Variants in GSE1 observed in about 807,000 individuals in gnomAD.
The protein encoded by GSE1 is genetic suppressor element 1.
Under a neutral mutation model 112.6 loss-of-function variants are expected in GSE1, and 32 were observed. That is an observed-to-expected ratio of 0.28 (90% CI 0.21 to 0.38). GSE1 has a LOEUF of 0.38. Ranked by LOEUF, GSE1 falls within the 10% of genes least tolerant of loss-of-function variation. The pLI is 1.00. For missense variants in GSE1, 2,348 were observed against 1,699.2 expected, an observed-to-expected ratio of 1.38 and a Z score of -6.71; for synonymous variants, 1,115 against 735.6, an observed-to-expected ratio of 1.52 and a Z score of -8.35.
chr16:85,641,607 C>T (rs552717306), intron 2 of GSE1, among the ~76,000 whole-genome samples: 5 of 152,268 alleles, frequency 3.3e-5, no homozygotes, highest in Non-Finnish European at 7.3e-5. Flanking sequence ...CCTGCTGTCC[C>T]GTGTACCAGG....
At chr16:85,176,755 G>A (rs1391759015) in intron 1 of GSE1, among the ~76,000 whole-genome samples, 2 of 152,226 alleles carry the variant, frequency 1.3e-5, no homozygotes, top group African/African-American at 2.4e-5. Context: ...TGTTGCTGCC[G>A]CAACCACCTT....
At position 85,623,563 on chromosome 16, in the gene GSE1, C is replaced by G. The variant is rs549573524; in HGVS notation, c.7+10165C>G. Among the ~76,000 whole-genome samples, 4 of 152,290 alleles carry G rather than the reference C, an allele frequency of 2.6e-5. No individual in the cohort carries two copies. In the East Asian group the frequency reaches 5.8e-4, roughly 22 times the overall value. ...TTTTGCTCTGCCCCCATAGTGTGTT[C>G]CCTCGAGGCCCCACAGCTCTCAGCC... On this transcript the variant is annotated intron_variant, in intron 1 of 15. Coordinates refer to ENST00000253458, the MANE Select transcript of GSE1 (RefSeq NM_014615.5).
exon 1 of GSE1, chr16:85,171,045 C>G: frequency 2.0e-6 from 2 of 985,794 alleles, no homozygotes; most frequent in Non-Finnish European, 1.2e-6. Context: ...CCAGGAGCGC[C>G]ATGCATTTCC....
intron 2 of GSE1, among the ~76,000 whole-genome samples, chr16:85,507,096 G>A (rs970133161): frequency 6.6e-6 from 1 of 152,158 alleles, no homozygotes; most frequent in East Asian, 1.9e-4. Context: ...TTTGGTTGGC[G>A]TGGCTGTGTG....
chr16:85,343,439 A>G (rs544565699), intron 1 of GSE1, among the ~76,000 whole-genome samples: 25 of 152,248 alleles, frequency 1.6e-4, no homozygotes, highest in African/African-American at 6.0e-4. Context: ...CTGCAAACAA[A>G]TCTGCAGGTA....
intron 2 of GSE1, among the ~76,000 whole-genome samples, chr16:85,506,645 G>T (rs2051543659): frequency 6.6e-6 from 1 of 152,060 alleles, no homozygotes; most frequent in Non-Finnish European, 1.5e-5. Context: ...TATGTAGAGG[G>T]GGTGTGATTT....
At chr16:85,203,171 T>A (rs1332998168) in intron 1 of GSE1, among the ~76,000 whole-genome samples, 1 of 151,074 alleles carries the variant, frequency 6.6e-6, no homozygotes, top group Non-Finnish European at 1.5e-5. Flanking sequence ...CTGGGGCTGC[T>A]CTCCTAGGCA....
chr16:85,560,674 G>A (rs1356305108), intron 1 of GSE1, among the ~76,000 whole-genome samples: 2 of 152,010 alleles, frequency 1.3e-5, no homozygotes, highest in African/African-American at 4.8e-5. Flanking sequence ...ATTCAAACGG[G>A]GGTCCCTTCT....
rs1013077002 is a variant in GSE1 at position 85,674,016 on chromosome 16, G to A, written c.*1477G>A. 2.0e-5 allele frequency: 3 copies of A among 152,112 alleles called. No individual in the cohort carries two copies. The highest frequency in any genetic ancestry group is 2.9e-5 in the Non-Finnish European group (2 of 68,074). 9.4% of individuals were successfully genotyped at this position (152,112 alleles called of 1,614,324 possible). ...GCTCATCACACCAAGGCAAAGCAAC[G>A]GGCGAGTCTTCCTCCTTGTCCTAGT... On this transcript the variant is annotated 3_prime_UTR_variant, in exon 16 of 16. Transcript: ENST00000253458.
At chr16:85,293,523 G>C (rs939337340) in intron 1 of GSE1, among the ~76,000 whole-genome samples, 1 of 152,088 alleles carries the variant, frequency 6.6e-6, no homozygotes, top group African/African-American at 2.4e-5. Context: ...TCCAGCCCAG[G>C]GGATAGAGTG....
chr16:85,387,798 C>T (rs1343843925), intron 2 of GSE1, among the ~76,000 whole-genome samples: 3 of 152,306 alleles, frequency 2.0e-5, no homozygotes, highest in Admixed American at 2.0e-4. Flanking sequence ...TCAGTAAGTA[C>T]TTATTGGTTA....
intron 1 of GSE1, among the ~76,000 whole-genome samples, chr16:85,173,388 A>G (rs946106301): frequency 6.6e-6 from 1 of 152,240 alleles, no homozygotes; most frequent in Non-Finnish European, 1.5e-5. Flanking sequence ...AAGTGGAAAC[A>G]TACCACTTGC....
At chr16:85,347,929 G>A (rs2046776172) in intron 1 of GSE1, among the ~76,000 whole-genome samples, 1 of 152,196 alleles carries the variant, frequency 6.6e-6, no homozygotes, top group Non-Finnish European at 1.5e-5. Context: ...CTTGAACCAG[G>A]GACTTTCTTG....
At chr16:85,642,818 C>G (rs966266670) in intron 2 of GSE1, among the ~76,000 whole-genome samples, 3 of 152,200 alleles carry the variant, frequency 2.0e-5, no homozygotes, top group African/African-American at 7.2e-5. Context: ...GCTGGGGAGT[C>G]TTTACCTCTC....
intron 2 of GSE1, among the ~76,000 whole-genome samples, chr16:85,643,255 C>T (rs969430891): frequency 6.6e-5 from 10 of 152,316 alleles, no homozygotes; most frequent in African/African-American, 2.2e-4. Context: ...GGCTGAATAC[C>T]GCCAGTTAAT....
At position 85,621,411 on chromosome 16, in the gene GSE1, G is replaced by T. The variant is rs181092058; in HGVS notation, c.7+8013G>T. ...AGGGAGTGGAGTGTGCGCTGAGATCGTATCTATTTTAAATCAAGCCGATGT... is the reference window on the plus strand; with the variant it reads ...AGGGAGTGGAGTGTGCGCTGAGATCTTATCTATTTTAAATCAAGCCGATGT... On this transcript the variant is annotated intron_variant, in intron 1 of 15. Transcript: ENST00000253458. Among the ~76,000 whole-genome samples, 5 of 152,350 alleles carry T rather than the reference G, an allele frequency of 3.3e-5. No homozygotes were observed. The South Asian group carries it at 6.2e-4, about 19-fold the overall frequency.
At chr16:85,191,022 G>T (rs2074808564) in intron 1 of GSE1, among the ~76,000 whole-genome samples, 1 of 152,198 alleles carries the variant, frequency 6.6e-6, no homozygotes, top group South Asian at 2.1e-4. Flanking sequence ...ACTTTGGGAG[G>T]TCACGGCAGG....
At chr16:85,378,059 C>T (rs1567721771) in intron 2 of GSE1, among the ~76,000 whole-genome samples, 2 of 152,330 alleles carry the variant, frequency 1.3e-5, no homozygotes, top group East Asian at 3.9e-4. Context: ...GAATGGCAGC[C>T]ACGTCTCTTG....
intron 1 of GSE1, among the ~76,000 whole-genome samples, chr16:85,567,042 C>T (rs1447473849): frequency 2.1e-5 from 3 of 144,892 alleles, no homozygotes; most frequent in Non-Finnish European, 3.1e-5. Flanking sequence ...CCGCCCCCAC[C>T]CCCACCCCCA....
Sources: allele counts gnomAD v4.1 joint callset (sites outside exome capture counted in the v4.1 genomes callset), GRCh38; gene constraint gnomAD v4.1.1; transcripts MANE v1.5; gene names NCBI Gene and HGNC (gene_info 2026-07-23, HGNC 2026-07-21).